The following TNRC6B variants were observed in gnomAD, a reference collection of about 807,000 sequenced individuals.
TNRC6B encodes trinucleotide repeat-containing gene 6B protein.
TNRC6B carries 52 observed loss-of-function variants against 203.6 expected under a neutral mutation model. That is an observed-to-expected ratio of 0.26 (90% confidence interval 0.20 to 0.32). TNRC6B has a LOEUF of 0.32. TNRC6B is among the 10% of genes least tolerant of loss of function. The pLI, the probability that TNRC6B is intolerant of heterozygous loss-of-function variation, is 1.00. For missense variants in TNRC6B, 1,923 were observed against 2,286.2 expected, an observed-to-expected ratio of 0.84 and a Z score of 3.24; for synonymous variants, 838 against 845.7, an observed-to-expected ratio of 0.99 and a Z score of 0.16.
intron 13 of TNRC6B, 74 bp downstream of exon 13, chr22:40,300,660 C>G (rs2071010937): frequency 6.5e-7 from 1 of 1,529,882 alleles, no homozygotes. Flanking sequence ...TGATTTGCTT[C>G]CCACATCTTT....
chr22:40,240,822 A>C (rs528878257), intron 1 of TNRC6B, among the ~76,000 whole-genome samples: 2 of 151,868 alleles, frequency 1.3e-5, no homozygotes, highest in East Asian at 1.9e-4. Flanking sequence ...AGGGTTTTTT[A>C]TTGTTGTTGT....
In TNRC6B at chr22:40,266,195, C is replaced by T. The variant is rs773569217; in HGVS notation, c.1965C>T (p.Ser655=). The T allele has an allele frequency of 1.1e-5, 18 of 1,612,010 alleles. No individual in the cohort carries two copies. Among genetic ancestry groups the T allele is most frequent in the Admixed American group, 1.7e-5 (1 of 59,558 alleles). The change falls in exon 5 of 23, where the codon AGC becomes AGT. Residue 655 remains serine, a synonymous_variant. Coordinates refer to ENST00000454349, the MANE Select transcript of TNRC6B (RefSeq NM_001162501.2). The part of the protein sequence containing the change: ...KSDKGTEGWE[S]AATQTKNSGG... ...ACAAAGGAACTGAGGGGTGGGAGAG[C>T]GCTGCCACACAGACCAAGAACTCAG...
chr22:40,248,850 G>A (rs2070145012), intron 2 of TNRC6B, among the ~76,000 whole-genome samples: 3 of 152,176 alleles, frequency 2.0e-5, no homozygotes, highest in South Asian at 2.1e-4. Flanking sequence ...AGGCTGATGC[G>A]TGGCCTTTGA....
intron 1 of TNRC6B, among the ~76,000 whole-genome samples, chr22:40,241,612 G>C (rs2070029761): frequency 6.6e-6 from 1 of 152,168 alleles, no homozygotes; most frequent in Admixed American, 6.5e-5. Flanking sequence ...TCTTCTTACA[G>C]CATCCTGTCA....
At chr22:40,220,409 C>G (rs1469408090) in intron 1 of TNRC6B, among the ~76,000 whole-genome samples, 1 of 152,104 alleles carries the variant, frequency 6.6e-6, no homozygotes, top group Non-Finnish European at 1.5e-5. Context: ...CCTCCACATC[C>G]CACCCCATTG....
intron 1 of TNRC6B, among the ~76,000 whole-genome samples, chr22:40,236,376 T>G (rs1216530570): frequency 6.6e-6 from 1 of 152,232 alleles, no homozygotes; most frequent in Non-Finnish European, 1.5e-5. Flanking sequence ...CTTTTCTCAT[T>G]CAGCATAATT....
chr22:40,064,295 G>A (rs1219552069), intron 1 of TNRC6B, among the ~76,000 whole-genome samples: 1 of 151,504 alleles, frequency 6.6e-6, no homozygotes, highest in Non-Finnish European at 1.5e-5. Flanking sequence ...TGGCAAGCCT[G>A]GATATTTATC....
At chr22:40,143,217 G>A (rs1262264827) in intron 3 of TNRC6B, among the ~76,000 whole-genome samples, 2 of 152,118 alleles carry the variant, frequency 1.3e-5, no homozygotes, top group Non-Finnish European at 2.9e-5. Flanking sequence ...ATCACTTGAG[G>A]CCAGGAGTTT....
In TNRC6B at chr22:40,315,196, A is replaced by G. The variant is rs2071241575; in HGVS notation, c.4679-87A>G. 4 of 977,718 alleles carry G rather than the reference A, an allele frequency of 4.1e-6. No individual in the cohort carries two copies. The South Asian group carries it at 6.1e-5, about 15-fold the overall frequency. The allele number at this position is 977,718 out of a possible 1,614,324, so 60.6% of individuals were successfully genotyped here. A position where few individuals can be genotyped will look rare whatever the true frequency, so the allele number is the denominator to read the frequency against. On this transcript the variant is annotated intron_variant, in intron 19 of 22. Coordinates refer to ENST00000454349, the MANE Select transcript of TNRC6B (RefSeq NM_001162501.2). ...TTAGAATATAAATGTGCATGTATTT[A>G]TGTGTATGTAGATAAAACTCATGTG...
chr22:40,195,327 G>A (rs2069323183), intron 1 of TNRC6B, among the ~76,000 whole-genome samples: 1 of 152,198 alleles, frequency 6.6e-6, no homozygotes, highest in Non-Finnish European at 1.5e-5. Context: ...ATTATTTACT[G>A]ATAATTCTTA....
At chr22:40,102,333 T>C (rs2068247684) in intron 1 of TNRC6B, among the ~76,000 whole-genome samples, 1 of 152,196 alleles carries the variant, frequency 6.6e-6, no homozygotes, top group Admixed American at 6.5e-5. Context: ...AGCCTGCTTA[T>C]CAGGATCATT....
In TNRC6B at chr22:40,265,052, T is replaced by C. The variant is rs2070453949; in HGVS notation, c.822T>C (p.Thr274=). 1.2e-6 allele frequency: 2 copies of C among 1,613,852 alleles called. No homozygotes were observed. Among genetic ancestry groups the C allele is most frequent in the Non-Finnish European group, 1.7e-6 (2 of 1,179,892 alleles). The stretch of plus-strand genomic sequence containing the variant: ...AATCTGTTCAATCTTCCAACTCTAC[T>C]ACAGAGAACAACAATGGACTAGGAA... The part of the protein sequence containing the change: ...KAKSVQSSNS[T]TENNNGLGNW... Residue 274 remains threonine, a synonymous_variant, in exon 5 of 23, where the codon ACT becomes ACC. Transcript: ENST00000454349.
chr22:40,219,342 G>T (rs2069677347), intron 1 of TNRC6B, among the ~76,000 whole-genome samples: 1 of 152,158 alleles, frequency 6.6e-6, no homozygotes, highest in Non-Finnish European at 1.5e-5. Flanking sequence ...ATATGAAGGA[G>T]CAAGAAAGTC....
At chr22:40,321,525 T>C (rs1289214647) in intron 22 of TNRC6B, 6 of 290,284 alleles carry the variant, frequency 2.1e-5, no homozygotes, top group East Asian at 1.3e-4. Flanking sequence ...CAGTGGCCCA[T>C]GCCTGTAATC....
At chr22:40,185,841 T>C (rs1240457521) in intron 1 of TNRC6B, among the ~76,000 whole-genome samples, 3 of 152,252 alleles carry the variant, frequency 2.0e-5, no homozygotes, top group Admixed American at 6.5e-5. Flanking sequence ...AGGACTGTTA[T>C]GAAAGGTCCT....
intron 3 of TNRC6B, among the ~76,000 whole-genome samples, chr22:40,132,381 A>AGACGG (rs927787019): frequency 4.0e-5 from 6 of 150,582 alleles, no homozygotes; most frequent in Admixed American, 6.6e-5. Flanking sequence ...AGACGAGACG[A>AGACGG]GACGGGACGG....
intron 2 of TNRC6B, among the ~76,000 whole-genome samples, chr22:40,122,442 C>G (rs2068454701): frequency 6.6e-6 from 1 of 152,096 alleles, no homozygotes; most frequent in African/African-American, 2.4e-5. Flanking sequence ...ATAACACAGA[C>G]TGACCTACTC....
At chr22:40,153,462 T>G (rs1359119380) in intron 3 of TNRC6B, among the ~76,000 whole-genome samples, 1 of 151,752 alleles carries the variant, frequency 6.6e-6, no homozygotes, top group Non-Finnish European at 1.5e-5. Flanking sequence ...TTACCTGAAG[T>G]GTTTGAACTG....
At chr22:40,079,408 A>C (rs955729875) in intron 1 of TNRC6B, among the ~76,000 whole-genome samples, 6 of 152,256 alleles carry the variant, frequency 3.9e-5, no homozygotes, top group African/African-American at 1.4e-4. Flanking sequence ...AATGACCTGA[A>C]TGTTGGTAAG....
Sources: gnomAD v4.1 joint callset for allele counts (sites outside exome capture counted in the v4.1 genomes callset) on GRCh38, gnomAD v4.1.1 for gene constraint, MANE v1.5 for transcripts, NCBI Gene and HGNC (gene_info 2026-07-23, HGNC 2026-07-21) for gene names.